FBXO31: variants seen among roughly 807,000 people sequenced by gnomAD.
FBXO31 encodes the protein F-box only protein 31.
Under a neutral mutation model 54.4 loss-of-function variants are expected in FBXO31, and 24 were observed. That is an observed-to-expected ratio of 0.44 (90% CI 0.32 to 0.62). FBXO31 has a LOEUF of 0.62. Ranked by LOEUF, FBXO31 falls within the 20% of genes least tolerant of loss-of-function variation. The pLI is 0.05. For missense variants in FBXO31, 665 were observed against 787.1 expected (o/e 0.84, Z 1.86); for synonymous variants, 388 against 335.6 (o/e 1.16, Z -1.71).
chr16:87,384,045 A>AC, upstream of FBXO31: 1 of 180,300 alleles, frequency 5.5e-6, no homozygotes. Flanking sequence ...GCTCGAACTC[A>AC]CGACCTTCAG....
chr16:87,384,063 G>A (rs552345990), upstream of FBXO31: 16 of 171,490 alleles, frequency 9.3e-5, no homozygotes, highest in Admixed American at 1.9e-4. Context: ...CAGATTATGA[G>A]ACTGACGCGC....
At chr16:87,365,037 A>ATATATATATATATATATCTATC (rs1489132121) in intron 1 of FBXO31, among the ~76,000 whole-genome samples, 7 of 106,870 alleles carry the variant, frequency 6.6e-5, no homozygotes, top group African/African-American at 2.5e-4. Flanking sequence ...ATATATATAT[A>ATATATATATATATATATCTATC]TATCAGGCAG....
In FBXO31 at chr16:87,331,195, G is replaced by T. The variant is rs1271204372; in HGVS notation, c.*93C>A. The T allele has an allele frequency of 5.3e-6, 7 of 1,322,868 alleles. No individual in the cohort carries two copies. The East Asian group carries it at 1.7e-4, about 32-fold the overall frequency. 81.9% of individuals were successfully genotyped at this position (1,322,868 alleles called of 1,614,324 possible). On this transcript the variant is annotated 3_prime_UTR_variant, in exon 9 of 9. Coordinates refer to ENST00000311635, the MANE Select transcript of FBXO31 (RefSeq NM_024735.5). ...GACGAGGTGTGCGTTCTGGTCAAAA[G>T]GCCGGATTTCCAAAGTGCATGCTGC...
intron 1 of FBXO31, among the ~76,000 whole-genome samples, chr16:87,364,864 A>G (rs1246647348): frequency 1.3e-5 from 2 of 150,876 alleles, no homozygotes; most frequent in African/African-American, 4.9e-5. Flanking sequence ...TCTACAAAGA[A>G]TACAATAATT....
At position 87,383,225 on chromosome 16, in the gene FBXO31, C is replaced by T. The variant is rs1907161976; in HGVS notation, c.340+180G>A. Among the ~76,000 whole-genome samples the T allele has an allele frequency of 6.6e-6, 1 of 152,052 alleles. No individual in the cohort carries two copies. Among genetic ancestry groups the T allele is most frequent in the Non-Finnish European group, 1.5e-5 (1 of 67,976 alleles). On this transcript the variant is annotated intron_variant, in intron 1 of 8. Coordinates refer to ENST00000311635, the MANE Select transcript of FBXO31 (RefSeq NM_024735.5). This position sits in a 1 kb window ranked among gnomAD's most constrained non-coding sequence, Gnocchi z 4.9. ...AACCGCCTCAAATACCTCCCTGGCC[C>T]CCTCAACGTGGTGTCACCGCGGCCG...
chr16:87,367,953 A>G (rs1472016798), intron 1 of FBXO31: 1 of 152,238 alleles, frequency 6.6e-6, no homozygotes, highest in African/African-American at 2.4e-5. Context: ...AACCTGTCAG[A>G]AACAATGCAC....
chr16:87,386,477 G>C (rs542595796), upstream of FBXO31, among the ~76,000 whole-genome samples: 1 of 152,338 alleles, frequency 6.6e-6, no homozygotes, highest in South Asian at 2.1e-4. Flanking sequence ...CTGTCACCCA[G>C]GCTGGAGTGC....
intron 1 of FBXO31, among the ~76,000 whole-genome samples, chr16:87,375,238 C>T (rs1906772586): frequency 6.6e-6 from 1 of 152,100 alleles, no homozygotes; most frequent in African/African-American, 2.4e-5. Flanking sequence ...ACCCGGGAGG[C>T]AGAGCTTGCA....
chr16:87,373,176 G>C (rs1336557859), intron 1 of FBXO31, among the ~76,000 whole-genome samples: 1 of 150,246 alleles, frequency 6.7e-6, no homozygotes, highest in Non-Finnish European at 1.5e-5. Flanking sequence ...AGCTGGCCGG[G>C]CACAGTGGCT....
rs771616737 is a variant in FBXO31 at position 87,379,052 on chromosome 16, C to T, written c.340+4353G>A. On this transcript the variant is annotated intron_variant, in intron 1 of 8. Coordinates refer to ENST00000311635, the MANE Select transcript of FBXO31 (RefSeq NM_024735.5). ...ATGAGAGTTCACTGCCACACTGCAC[C>T]TAGTGAAAAAATAAAAATAAGCAAA... Among the ~76,000 whole-genome samples, 81 of 151,940 alleles carry T rather than the reference C, an allele frequency of 5.3e-4. 1 individual carries two copies. Among genetic ancestry groups the T allele is most frequent in the Non-Finnish European group, 1.5e-4 (10 of 67,998 alleles).
At chr16:87,391,109 AG>A (rs1391776311), upstream of FBXO31, among the ~76,000 whole-genome samples, 1 of 152,154 alleles carries the variant, frequency 6.6e-6, no homozygotes, top group Non-Finnish European at 1.5e-5. Flanking sequence ...CCAACTCTTA[AG>A]GAGGCCGAGG....
chr16:87,348,388 G>A (rs1207868860), intron 2 of FBXO31, among the ~76,000 whole-genome samples: 1 of 152,178 alleles, frequency 6.6e-6, no homozygotes, highest in Admixed American at 6.5e-5. Context: ...CCCATCATTC[G>A]GGAAGCCTTA....
At chr16:87,342,785 T>G in intron 5 of FBXO31, 92 bp downstream of exon 5, 1 of 1,094,006 alleles carries the variant, frequency 9.1e-7, no homozygotes, top group South Asian at 1.7e-5. Context: ...GGTCGCATGC[T>G]GCTGACTTCT....
At position 87,329,967 on chromosome 16, in the gene FBXO31, T is replaced by C. The variant is rs887005007; in HGVS notation, c.*1321A>G. 2.6e-5 allele frequency: 4 copies of C among 152,340 alleles called. No individual in the cohort carries two copies. The highest frequency in any genetic ancestry group is 6.5e-5 in the Admixed American group (1 of 15,282). 9.4% of individuals were successfully genotyped at this position (152,340 alleles called of 1,614,324 possible). A position where few individuals can be genotyped will look rare whatever the true frequency, so the allele number is the denominator to read the frequency against. On this transcript the variant is annotated 3_prime_UTR_variant, in exon 9 of 9. Transcript: ENST00000311635. ...ACACCAAGGCACACAGACTGTCACCTTCCCGAGGTCCCTCACCAGCAGGAC... is the reference window on the plus strand; with the variant it reads ...ACACCAAGGCACACAGACTGTCACCCTCCCGAGGTCCCTCACCAGCAGGAC...
intron 2 of FBXO31, among the ~76,000 whole-genome samples, chr16:87,357,551 C>T (rs1905950771): frequency 6.6e-6 from 1 of 152,110 alleles, no homozygotes; most frequent in Non-Finnish European, 1.5e-5. Flanking sequence ...AGGTCTCGAA[C>T]TCCTGACCTC....
At chr16:87,387,070 G>C (rs1199589655), upstream of FBXO31, among the ~76,000 whole-genome samples, 1 of 152,096 alleles carries the variant, frequency 6.6e-6, no homozygotes, top group Non-Finnish European at 1.5e-5. Flanking sequence ...AGGCTGAGCA[G>C]GGAAGATTGC....
chr16:87,360,802 T>C (rs1906098746), intron 1 of FBXO31, among the ~76,000 whole-genome samples: 1 of 152,160 alleles, frequency 6.6e-6, no homozygotes, highest in African/African-American at 2.4e-5. Flanking sequence ...GTGCTGCCTG[T>C]GTGTTCAACT....
chr16:87,351,951 C>A (rs896460202), intron 2 of FBXO31, among the ~76,000 whole-genome samples: 3 of 152,144 alleles, frequency 2.0e-5, no homozygotes, highest in Non-Finnish European at 4.4e-5. Context: ...ACCCTGACTG[C>A]GCGTCAGAAT....
At chr16:87,357,383 G>A (rs530345991) in intron 2 of FBXO31, among the ~76,000 whole-genome samples, 1 of 147,164 alleles carries the variant, frequency 6.8e-6, no homozygotes, top group African/African-American at 2.5e-5. Context: ...AGGCTGGAGT[G>A]CAATGGCGTG....
Sources: allele counts gnomAD v4.1 joint callset (sites outside exome capture counted in the v4.1 genomes callset), GRCh38; gene constraint gnomAD v4.1.1; non-coding constraint Gnocchi (gnomAD v3.1); transcripts MANE v1.5; gene names NCBI Gene and HGNC (gene_info 2026-07-23, HGNC 2026-07-21).